HIP1: variants seen among roughly 807,000 people sequenced by gnomAD.
HIP1 encodes huntingtin-interacting protein 1.
A neutral mutation model predicts 147.6 loss-of-function variants in HIP1; 65 were observed. That is an observed-to-expected ratio of 0.44 (90% CI 0.36 to 0.54). The LOEUF is 0.54. Among genes scored for constraint, HIP1 ranks in the 20% least tolerant of loss-of-function variants. The probability of loss-of-function intolerance (pLI) is 0.00; values close to 1 mark genes in which losing one functional copy is unlikely to be tolerated. For synonymous variants in HIP1, 479 were observed against 504.0 expected, an observed-to-expected ratio of 0.95 and a Z score of 0.67; for missense variants, 1,061 against 1,299.6, an observed-to-expected ratio of 0.82 and a Z score of 2.82.
intron 1 of HIP1, among the ~76,000 whole-genome samples, chr7:75,672,268 T>C (rs1799748644): frequency 6.6e-6 from 1 of 152,144 alleles, no homozygotes; most frequent in Admixed American, 6.6e-5. Context: ...CAATTCCTTA[T>C]CCAATAATAT....
intron 9 of HIP1, among the ~76,000 whole-genome samples, chr7:75,563,615 T>C (rs980808436): frequency 2.0e-5 from 3 of 152,260 alleles, no homozygotes; most frequent in African/African-American, 4.8e-5. Context: ...TGACTTTCTC[T>C]GAGGATAAGC....
intron 2 of HIP1, among the ~76,000 whole-genome samples, chr7:75,593,420 C>T (rs587622700): frequency 6.6e-6 from 1 of 152,140 alleles, no homozygotes; most frequent in African/African-American, 2.4e-5. Flanking sequence ...CACCTGAGCT[C>T]AGGAGTTTAA....
At chr7:75,714,438 A>G (rs1801253949) in intron 1 of HIP1, among the ~76,000 whole-genome samples, 1 of 144,850 alleles carries the variant, frequency 6.9e-6, no homozygotes, top group East Asian at 2.1e-4. Flanking sequence ...CCCTTGTATT[A>G]ACTAACATCT....
chr7:75,558,915 A>T (rs1279963219), intron 14 of HIP1, among the ~76,000 whole-genome samples: 1 of 152,138 alleles, frequency 6.6e-6, no homozygotes, highest in East Asian at 1.9e-4. Context: ...GCTACTCGGG[A>T]GGCTGAGGCA....
intron 1 of HIP1, among the ~76,000 whole-genome samples, chr7:75,613,265 G>A (rs782402517): frequency 6.6e-6 from 1 of 152,124 alleles, no homozygotes; most frequent in Non-Finnish European, 1.5e-5. Context: ...GATCAGGTGA[G>A]CCTGGGAGAG....
At chr7:75,719,702 G>A (rs1376430404) in intron 1 of HIP1, among the ~76,000 whole-genome samples, 1 of 151,768 alleles carries the variant, frequency 6.6e-6, no homozygotes, top group Non-Finnish European at 1.5e-5. Flanking sequence ...ATTAAAGCAT[G>A]AGCCACCACG....
At chr7:75,638,284 C>T (rs1004980715) in intron 1 of HIP1, among the ~76,000 whole-genome samples, 3 of 151,938 alleles carry the variant, frequency 2.0e-5, no homozygotes, top group Non-Finnish European at 4.4e-5. Context: ...CCCCTCCCAT[C>T]AGAATCCCCC....
At chr7:75,612,763 C>T (rs375386772) in intron 1 of HIP1, among the ~76,000 whole-genome samples, 5 of 151,842 alleles carry the variant, frequency 3.3e-5, no homozygotes, top group African/African-American at 4.8e-5. Flanking sequence ...GAGCTGAGAT[C>T]GTGCCATTGC....
At chr7:75,723,035 G>A (rs529613795) in intron 1 of HIP1, among the ~76,000 whole-genome samples, 1 of 152,276 alleles carries the variant, frequency 6.6e-6, no homozygotes, top group East Asian at 1.9e-4. Context: ...CTGCCCTGAA[G>A]CAGGAGTTAC....
At chr7:75,571,001 C>A (rs1299725996) in intron 8 of HIP1, among the ~76,000 whole-genome samples, 1 of 151,880 alleles carries the variant, frequency 6.6e-6, no homozygotes, top group African/African-American at 2.4e-5. Context: ...CAGAGCGAGA[C>A]CCTGTTTCAG....
chr7:75,731,538 T>C (rs188018483), intron 1 of HIP1, among the ~76,000 whole-genome samples: 29 of 150,328 alleles, frequency 1.9e-4, no homozygotes, highest in African/African-American at 6.9e-4. Context: ...AAAATGGGGT[T>C]CACGAGCAGC....
chr7:75,657,698 C>T (rs901217698), intron 1 of HIP1, among the ~76,000 whole-genome samples: 2 of 151,878 alleles, frequency 1.3e-5, no homozygotes, highest in African/African-American at 2.4e-5. Flanking sequence ...ACTCAGTGCA[C>T]AGACATAATG....
At chr7:75,582,200 C>A (rs1554498752) in intron 5 of HIP1, 49 bp from the exon 6 acceptor site, 1 of 1,471,854 alleles carries the variant, frequency 6.8e-7, no homozygotes, top group Non-Finnish European at 9.5e-7. Context: ...CATGAAGAGC[C>A]CTCTCTCAGC....
intron 13 of HIP1, among the ~76,000 whole-genome samples, chr7:75,560,197 G>A (rs1795174874): frequency 6.6e-6 from 1 of 152,066 alleles, no homozygotes; most frequent in African/African-American, 2.4e-5. Context: ...TGTGAGGGGC[G>A]GTTGTTAATA....
intron 1 of HIP1, among the ~76,000 whole-genome samples, chr7:75,620,385 TTA>T (rs144865843): frequency 0.25 from 33,711 of 132,830 alleles, 5,263 homozygotes; most frequent in African/African-American, 0.48. Context: ...GACCATGTCT[TTA>T]AAAAAAAAAA....
intron 9 of HIP1, among the ~76,000 whole-genome samples, chr7:75,565,336 T>G (rs375637711): frequency 2.0e-5 from 3 of 152,270 alleles, no homozygotes; most frequent in African/African-American, 7.2e-5. Flanking sequence ...TGACCACACA[T>G]CCCCATCTTG....
intron 13 of HIP1, among the ~76,000 whole-genome samples, chr7:75,560,241 T>C (rs1266888257): frequency 2.7e-5 from 4 of 147,228 alleles, no homozygotes; most frequent in Non-Finnish European, 4.5e-5. Context: ...GTCTCTTCTC[T>C]TTTTTTTTTG....
chr7:75,655,906 G>A (rs1159056621), intron 1 of HIP1, among the ~76,000 whole-genome samples: 1 of 152,116 alleles, frequency 6.6e-6, no homozygotes, highest in Non-Finnish European at 1.5e-5. Context: ...GATCACTTGA[G>A]GTCAGGAGTT....
intron 11 of HIP1, 61 bp downstream of exon 11, chr7:75,562,874 C>A: frequency 1.3e-6 from 2 of 1,576,574 alleles, no homozygotes; most frequent in Admixed American, 1.7e-5. Context: ...TCTCCCCCAG[C>A]CTCTCCCCTG....
Sources: gnomAD v4.1 joint callset for allele counts (sites outside exome capture counted in the v4.1 genomes callset) on GRCh38, gnomAD v4.1.1 for gene constraint, MANE v1.5 for transcripts, NCBI Gene and HGNC (gene_info 2026-07-23, HGNC 2026-07-21) for gene names.